The following TMEM38A variants were observed in gnomAD, a reference collection of about 807,000 sequenced individuals.
TMEM38A encodes trimeric intracellular cation channel type A.
Under a neutral mutation model 28.6 loss-of-function variants are expected in TMEM38A, and 17 were observed. The ratio of observed to expected loss-of-function variants is 0.60; its 90% CI spans 0.41 to 0.89. The LOEUF is 0.89. Among genes scored for constraint, TMEM38A ranks in the 40% least tolerant of loss-of-function variants. The pLI, the probability that TMEM38A is intolerant of heterozygous loss-of-function variation, is 0.00. For synonymous variants in TMEM38A, 169 were observed against 166.1 expected, an observed-to-expected ratio of 1.02 and a Z score of -0.14; for missense variants, 328 against 393.1, an observed-to-expected ratio of 0.83 and a Z score of 1.40.
At position 16,688,299 on chromosome 19, in the gene TMEM38A, G is replaced by A. The variant is rs142098397; in HGVS notation, c.828G>A (p.Ser276=). The A allele has an allele frequency of 2.2e-5, 35 of 1,609,120 alleles. No individual in the cohort carries two copies. Among genetic ancestry groups the A allele is most frequent in the African/African-American group, 2.7e-5 (2 of 74,672 alleles). The change falls in exon 6 of 6, where the codon TCG becomes TCA. Residue 276 remains serine, a synonymous_variant. Coordinates refer to ENST00000187762, the MANE Select transcript of TMEM38A (RefSeq NM_024074.4). ...GTGGTGGGCCAGGAGCTCAGCATTC[G>A]GCCATGCCCGCCAAGTCCAAGGAGG... The part of the protein sequence containing the change: ...HSGGGPGAQH[S]AMPAKSKEEL...
At chr19:16,676,527 T>C (rs991050421) in intron 1 of TMEM38A, among the ~76,000 whole-genome samples, 6 of 152,104 alleles carry the variant, frequency 3.9e-5, no homozygotes, top group African/African-American at 1.4e-4. Context: ...AGTTGTTCTC[T>C]GCAAAACGAA....
At chr19:16,678,394 G>A (rs566254431) in intron 1 of TMEM38A, among the ~76,000 whole-genome samples, 19 of 122,270 alleles carry the variant, frequency 1.6e-4, no homozygotes, top group African/African-American at 5.7e-4. Flanking sequence ...GCGCCACCGC[G>A]CTCCAGCCTG....
Position 16,688,928 on chromosome 19 carries a change from G to A in TMEM38A, c.*557G>A, listed in dbSNP as rs1025911599. 1 of 151,748 alleles carries A rather than the reference G, an allele frequency of 6.6e-6. No individual in the cohort carries two copies. Among genetic ancestry groups the A allele is most frequent in the Admixed American group, 6.6e-5 (1 of 15,172 alleles). 9.4% of individuals were successfully genotyped at this position (151,748 alleles called of 1,614,324 possible). On this transcript the variant is annotated 3_prime_UTR_variant, in exon 6 of 6. Coordinates refer to ENST00000187762, the MANE Select transcript of TMEM38A (RefSeq NM_024074.4). ...GAATCACATGAATCCAGGAGGTGGA[G>A]GTTGCAGTGAGCTGAGATCTTCCCA...
intron 1 of TMEM38A, among the ~76,000 whole-genome samples, chr19:16,663,645 C>T (rs1227583862): frequency 6.6e-6 from 1 of 151,750 alleles, no homozygotes; most frequent in Non-Finnish European, 1.5e-5. Flanking sequence ...TCTCCTGCCT[C>T]AGCCTCCCAA....
intron 4 of TMEM38A, among the ~76,000 whole-genome samples, chr19:16,685,953 A>G (rs1156397309): frequency 1.3e-5 from 2 of 152,224 alleles, no homozygotes; most frequent in African/African-American, 4.8e-5. Context: ...ACTTGAGGCC[A>G]GGAGTTCGAG....
rs80145094 is a variant in TMEM38A at position 16,675,344 on chromosome 19, C to A, written c.125-4640C>A. Reference sequence around the variant, plus strand: ...AACCTTCCAGGCTCAAGTGGTCCTCCCACCTCAGAAGTAGCTGGGAATACA... The same window carrying A: ...AACCTTCCAGGCTCAAGTGGTCCTCACACCTCAGAAGTAGCTGGGAATACA... On this transcript the variant is annotated intron_variant, in intron 1 of 5. Transcript: ENST00000187762. 2.8e-3 allele frequency among the ~76,000 whole-genome samples: 423 copies of A among 151,968 alleles called. 1 individual carries two copies. The highest frequency in any genetic ancestry group is 5.4e-3 in the Non-Finnish European group (367 of 67,968).
intron 3 of TMEM38A, among the ~76,000 whole-genome samples, chr19:16,681,723 T>C (rs2086782824): frequency 6.6e-6 from 1 of 152,128 alleles, no homozygotes; most frequent in Admixed American, 6.6e-5. Context: ...ACTCACTAAA[T>C]ACCAGTAGCG....
intron 1 of TMEM38A, among the ~76,000 whole-genome samples, chr19:16,675,400 ATTG>A (rs1257199784): frequency 2.0e-5 from 3 of 150,676 alleles, no homozygotes; most frequent in Non-Finnish European, 3.0e-5. Flanking sequence ...GCTAATTTTT[ATTG>A]TTGTTGTTGT....
At chr19:16,685,003 C>G (rs2086795912) in intron 4 of TMEM38A, among the ~76,000 whole-genome samples, 2 of 151,466 alleles carry the variant, frequency 1.3e-5, no homozygotes, top group Admixed American at 1.3e-4. Flanking sequence ...GAGCCATGAT[C>G]AGACCACTGC....
At chr19:16,686,486 A>C in intron 5 of TMEM38A, 81 bp downstream of exon 5, 2 of 1,154,070 alleles carry the variant, frequency 1.7e-6, no homozygotes, top group Non-Finnish European at 2.6e-6. Context: ...GGGAAATTGG[A>C]CACTCCCAGC....
chr19:16,681,329 A>G (rs748984722), intron 3 of TMEM38A, among the ~76,000 whole-genome samples: 7 of 152,210 alleles, frequency 4.6e-5, no homozygotes, highest in Non-Finnish European at 7.3e-5. Context: ...TGAAAATGTT[A>G]TTAGAAATAA....
intron 5 of TMEM38A, 128 bp downstream of exon 5, chr19:16,686,533 A>T (rs1471065557): frequency 1.4e-6 from 1 of 714,912 alleles, no homozygotes; most frequent in Non-Finnish European, 2.4e-6. Context: ...GAGAGGGGAG[A>T]TGCTTGCCAG....
intron 1 of TMEM38A, among the ~76,000 whole-genome samples, chr19:16,679,224 G>A (rs965289062): frequency 3.3e-5 from 5 of 150,708 alleles, no homozygotes; most frequent in Non-Finnish European, 7.4e-5. Flanking sequence ...GGGATCAGCT[G>A]AGGTCAGAAT....
chr19:16,670,278 T>G (rs2086721368), intron 1 of TMEM38A, among the ~76,000 whole-genome samples: 1 of 146,632 alleles, frequency 6.8e-6, no homozygotes. Flanking sequence ...TGTTTTTTGT[T>G]TTTTTTTTTT....
rs1011482351 is a variant in TMEM38A, at chr19:16,688,224, G to A, written c.753G>A (p.Ser251=). The A allele has an allele frequency of 4.4e-6, 7 of 1,586,118 alleles. No individual in the cohort carries two copies. Among genetic ancestry groups the A allele is most frequent in the African/African-American group, 1.4e-5 (1 of 73,848 alleles). Residue 251 remains serine, a synonymous_variant, in exon 6 of 6, where the codon TCG becomes TCA. Transcript: ENST00000187762. The stretch of plus-strand genomic sequence containing the variant: ...ACATCTGCCCCGTGCTGTTTGGTTC[G>A]GCCTGCGGGGGTGACCATCACCACG... ...EGYICPVLFG[S]ACGGDHHHDN... is the part of the protein sequence containing the mutation.
At chr19:16,684,490 A>G (rs1268770108) in intron 4 of TMEM38A, among the ~76,000 whole-genome samples, 1 of 152,020 alleles carries the variant, frequency 6.6e-6, no homozygotes, top group Non-Finnish European at 1.5e-5. Context: ...AAAAAAAAAA[A>G]AGCAATGAGA....
At chr19:16,677,847 C>G (rs908310249) in intron 1 of TMEM38A, among the ~76,000 whole-genome samples, 4 of 152,034 alleles carry the variant, frequency 2.6e-5, no homozygotes, top group African/African-American at 9.7e-5. Context: ...TGTGAGCCAC[C>G]GTGCCCAGCC....
chr19:16,672,685 A>T (rs1042921438), intron 1 of TMEM38A, among the ~76,000 whole-genome samples: 8 of 152,102 alleles, frequency 5.3e-5, no homozygotes, highest in African/African-American at 1.7e-4. Context: ...CCTGACCTCA[A>T]GTGATCCACC....
Position 16,688,065 on chromosome 19 carries a change from A to C in TMEM38A, c.673-79A>C, listed in dbSNP as rs1599393885. On this transcript the variant is annotated intron_variant, in intron 5 of 5. Transcript: ENST00000187762. Reference sequence around the variant, plus strand: ...TGACATTCTCTCCCCTCTTCTCCCCACCCTGCCCTCCACTCCTTTGCTTTC... The same window carrying C: ...TGACATTCTCTCCCCTCTTCTCCCCCCCCTGCCCTCCACTCCTTTGCTTTC... The C allele has an allele frequency of 3.8e-6, 4 of 1,045,108 alleles. No homozygotes were observed. The South Asian group carries it at 1.0e-4, about 26-fold the overall frequency. 64.7% of individuals were successfully genotyped at this position (1,045,108 alleles called of 1,614,324 possible).
Sources: gnomAD v4.1 joint callset for allele counts (sites outside exome capture counted in the v4.1 genomes callset) on GRCh38, gnomAD v4.1.1 for gene constraint, MANE v1.5 for transcripts, NCBI Gene and HGNC (gene_info 2026-07-23, HGNC 2026-07-21) for gene names.